The following FGD6 variants were observed in gnomAD, a reference collection of about 807,000 sequenced individuals.
FGD6 encodes the protein FYVE, RhoGEF and PH domain containing 6.
In FGD6, 90 loss-of-function variants were observed where a neutral mutation model predicts 149.4. The observed-to-expected ratio is 0.60, with a 90% CI of 0.51 to 0.72. The LOEUF is 0.72. FGD6 is among the 30% of genes least tolerant of loss of function. FGD6 has a pLI of 0.00. For synonymous variants in FGD6, 527 were observed against 584.0 expected (o/e 0.90, Z 1.41); for missense variants, 1,437 against 1,684.8 (o/e 0.85, Z 2.57).
rs190087296 is a variant in FGD6, at chr12:95,177,616, G to A, written c.2442-4872C>T. On this transcript the variant is annotated intron_variant, in intron 2 of 20. Transcript: ENST00000343958. ...ATGTTGTGATAATTTTTTTTCAAATGCTGTCTCATTATGACTTGGTGATTA... is the reference window on the plus strand; with the variant it reads ...ATGTTGTGATAATTTTTTTTCAAATACTGTCTCATTATGACTTGGTGATTA... Among the ~76,000 whole-genome samples the A allele has an allele frequency of 2.0e-5, 3 of 151,980 alleles. 1 individual carries two copies. The highest frequency in any genetic ancestry group is 7.2e-5 in the African/African-American group (3 of 41,474).
At chr12:95,158,414 A>T (rs912527717) in intron 3 of FGD6, among the ~76,000 whole-genome samples, 1 of 149,146 alleles carries the variant, frequency 6.7e-6, no homozygotes, top group Non-Finnish European at 1.5e-5. Flanking sequence ...TGGCCTTCTG[A>T]TCTGCCTGCC....
chr12:95,160,399 GACCAACTGGA>G (rs1251666147), intron 3 of FGD6, among the ~76,000 whole-genome samples: 3 of 152,146 alleles, frequency 2.0e-5, no homozygotes, highest in African/African-American at 7.2e-5. Flanking sequence ...TGAGGATGTG[GACCAACTGGA>G]ACCTTTATAT....
At chr12:95,153,252 GC>G (rs1880363339) in intron 3 of FGD6, among the ~76,000 whole-genome samples, 1 of 152,172 alleles carries the variant, frequency 6.6e-6, no homozygotes, top group Admixed American at 6.5e-5. Context: ...CCAGAACCTT[GC>G]TGGGATGCAA....
At chr12:95,145,955 C>T (rs867245626) in intron 5 of FGD6, among the ~76,000 whole-genome samples, 2 of 152,026 alleles carry the variant, frequency 1.3e-5, no homozygotes, top group African/African-American at 2.4e-5. Context: ...ATTATAGGCA[C>T]GAGCCACTGC....
intron 13 of FGD6, among the ~76,000 whole-genome samples, chr12:95,106,669 G>C (rs1325539008): frequency 6.6e-6 from 1 of 152,004 alleles, no homozygotes; most frequent in East Asian, 1.9e-4. Context: ...GCCAAGGCAG[G>C]CTGATCACCT....
rs145851556 is a variant in FGD6 at position 95,207,471 on chromosome 12, T to A, written c.2441+1372A>T. On this transcript the variant is annotated intron_variant, in intron 2 of 20. Transcript: ENST00000343958. ...TTGAATTTCAAAGACCTGAAGTTAGTGGACTAAGAACAATCTAAAGATTTC... is the reference window on the plus strand; with the variant it reads ...TTGAATTTCAAAGACCTGAAGTTAGAGGACTAAGAACAATCTAAAGATTTC... 8.3e-4 allele frequency among the ~76,000 whole-genome samples: 127 copies of A among 152,340 alleles called. 1 individual carries two copies. The East Asian group carries it at 0.023, about 28-fold the overall frequency.
Position 95,216,874 on chromosome 12 carries a change from T to C in FGD6, c.16+351A>G, listed in dbSNP as rs368748714. On this transcript the variant is annotated intron_variant, in intron 1 of 20. Coordinates refer to ENST00000343958, the MANE Select transcript of FGD6 (RefSeq NM_018351.4). ...CTGCCTTTACCTATAATAACTGATC[T>C]ATTAACTTGGGAATCTACACTATTT... 2.6e-5 allele frequency among the ~76,000 whole-genome samples: 4 copies of C among 151,632 alleles called. No homozygotes were observed. In the East Asian group the frequency reaches 7.8e-4, roughly 30 times the overall value.
At chr12:95,198,697 A>G (rs770280107) in intron 2 of FGD6, among the ~76,000 whole-genome samples, 19 of 152,150 alleles carry the variant, frequency 1.2e-4, no homozygotes, top group Non-Finnish European at 2.6e-4. Flanking sequence ...TGGCCTCCCA[A>G]AGTGCTGGGG....
chr12:95,199,522 C>T (rs1025281505), intron 2 of FGD6, among the ~76,000 whole-genome samples: 3 of 152,106 alleles, frequency 2.0e-5, no homozygotes, highest in African/African-American at 4.8e-5. Context: ...TGCCTTCCTC[C>T]CCAGTAAGAA....
chr12:95,172,182 C>A (rs1404567793), intron 3 of FGD6, among the ~76,000 whole-genome samples: 2 of 152,112 alleles, frequency 1.3e-5, no homozygotes, highest in African/African-American at 4.8e-5. Flanking sequence ...TTGAGGCCAG[C>A]CTGGCCAACA....
chr12:95,082,387 G>A (rs1363732767), intron 20 of FGD6, among the ~76,000 whole-genome samples: 3 of 134,570 alleles, frequency 2.2e-5, no homozygotes, highest in African/African-American at 5.6e-5. Flanking sequence ...GCTGGGCGCC[G>A]TGGCTCATGC....
At chr12:95,097,621 T>C (rs895383935) in intron 14 of FGD6, among the ~76,000 whole-genome samples, 3 of 113,778 alleles carry the variant, frequency 2.6e-5, no homozygotes, top group Admixed American at 1.3e-4. Context: ...GGGCAACAAG[T>C]GAGACTCTGT....
At chr12:95,208,057 C>T (rs1329350703) in intron 2 of FGD6, among the ~76,000 whole-genome samples, 1 of 151,998 alleles carries the variant, frequency 6.6e-6, no homozygotes, top group African/African-American at 2.4e-5. Flanking sequence ...TCAAGACCAG[C>T]CTGGGCATGA....
intron 8 of FGD6, among the ~76,000 whole-genome samples, chr12:95,119,596 T>C (rs549970484): frequency 6.6e-6 from 1 of 152,386 alleles, no homozygotes; most frequent in South Asian, 2.1e-4. Context: ...TGTCCTCTTT[T>C]ACTTTTGTAA....
At chr12:95,120,339 TA>T (rs1359435925) in intron 8 of FGD6, among the ~76,000 whole-genome samples, 9 of 151,868 alleles carry the variant, frequency 5.9e-5, no homozygotes, top group Admixed American at 3.9e-4. Context: ...TTTATTTATT[TA>T]TTTTTTATTT....
chr12:95,216,000 G>GC (rs1400756446), intron 1 of FGD6, among the ~76,000 whole-genome samples: 2 of 152,182 alleles, frequency 1.3e-5, no homozygotes, highest in Non-Finnish European at 2.9e-5. Context: ...TAAGTATAAA[G>GC]CCTCCCTTTG....
chr12:95,130,746 T>A (rs777929704), intron 8 of FGD6, among the ~76,000 whole-genome samples: 1 of 151,896 alleles, frequency 6.6e-6, no homozygotes, highest in Non-Finnish European at 1.5e-5. Context: ...TCTCAGTGCC[T>A]AGACAGCAGT....
Position 95,085,798 on chromosome 12 carries a change from A to AT in FGD6, c.4088dup (p.Tyr1363Ter). 6.2e-7 allele frequency: 1 copy of AT among 1,613,770 alleles called. No individual in the cohort carries two copies. Among genetic ancestry groups the AT allele is most frequent in the Non-Finnish European group, 8.5e-7 (1 of 1,179,910 alleles). Residue 1363 changes from tyrosine to a stop codon, truncating the protein, a stop_gained and frameshift_variant, in exon 19 of 21, where the codon TAT becomes TAAT. Coordinates refer to ENST00000343958, the MANE Select transcript of FGD6 (RefSeq NM_018351.4). LOFTEE classifies it high-confidence loss of function. ...FWFVIKNKVL[Y>*]TYAASEDVAA... Reference sequence around the variant, plus strand: ...ATCTTACCTCACTTGCAGCATATGTATATAGTACTTTATTTTTTATGACAA... The same window carrying AT: ...ATCTTACCTCACTTGCAGCATATGTATTATAGTACTTTATTTTTTATGACAA...
At chr12:95,134,475 A>C (rs922579485) in intron 8 of FGD6, among the ~76,000 whole-genome samples, 2 of 152,174 alleles carry the variant, frequency 1.3e-5, no homozygotes, top group African/African-American at 4.8e-5. Context: ...GGGATGGTCA[A>C]AGATGTTCTG....
Sources: allele counts gnomAD v4.1 joint callset (sites outside exome capture counted in the v4.1 genomes callset), GRCh38; gene constraint gnomAD v4.1.1; transcripts MANE v1.5; gene names NCBI Gene and HGNC (gene_info 2026-07-23, HGNC 2026-07-21).